MDGA2: variants seen among roughly 807,000 people sequenced by gnomAD.
MDGA2 encodes the protein MAM domain-containing glycosylphosphatidylinositol anchor protein 2.
MDGA2 carries 40 observed loss-of-function variants against 117.8 expected under a neutral mutation model. The observed-to-expected ratio is 0.34, with a 90% CI of 0.26 to 0.44. The LOEUF (loss-of-function observed/expected upper bound fraction) is 0.44. Ranked by LOEUF, MDGA2 falls within the 20% of genes least tolerant of loss-of-function variation. The probability of loss-of-function intolerance (pLI) is 1.00; values close to 1 mark genes in which losing one functional copy is unlikely to be tolerated. For synonymous variants in MDGA2, 452 were observed against 439.0 expected (o/e 1.03, Z -0.37); for missense variants, 1,123 against 1,250.6 (o/e 0.90, Z 1.54).
chr14:47,524,652 T>C (rs1894935191), intron 1 of MDGA2, among the ~76,000 whole-genome samples: 1 of 152,216 alleles, frequency 6.6e-6, no homozygotes, highest in Non-Finnish European at 1.5e-5. Flanking sequence ...TTTAATAATA[T>C]ATGTCCTGTC....
At chr14:47,268,420 T>C (rs569621784) in intron 2 of MDGA2, among the ~76,000 whole-genome samples, 273 of 152,236 alleles carry the variant, frequency 1.8e-3, no homozygotes, top group African/African-American at 6.0e-3. Flanking sequence ...AAAAATAATT[T>C]TGAAAAATTT....
intron 14 of MDGA2, among the ~76,000 whole-genome samples, chr14:46,858,718 T>C (rs953788934): frequency 2.0e-5 from 3 of 152,172 alleles, no homozygotes; most frequent in Non-Finnish European, 2.9e-5. Flanking sequence ...TGAGCCACCG[T>C]GCCCGGCCTA....
intron 3 of MDGA2, among the ~76,000 whole-genome samples, chr14:47,215,535 T>C (rs1024875574): frequency 6.6e-5 from 10 of 152,100 alleles, no homozygotes; most frequent in African/African-American, 9.7e-5. Flanking sequence ...ATAGGTCTAG[T>C]GGTCTCTATT....
chr14:47,136,817 AT>A (rs1882481893), intron 4 of MDGA2, among the ~76,000 whole-genome samples: 1 of 152,188 alleles, frequency 6.6e-6, no homozygotes, highest in Non-Finnish European at 1.5e-5. Context: ...TTCCTGAACC[AT>A]GTTGACTCTA....
At chr14:47,240,915 A>T (rs1377506155) in intron 2 of MDGA2, among the ~76,000 whole-genome samples, 1 of 151,864 alleles carries the variant, frequency 6.6e-6, no homozygotes, top group Non-Finnish European at 1.5e-5. Flanking sequence ...TCTTCATAAC[A>T]TTTGGCTGAA....
At chr14:47,180,576 A>C (rs1255717596) in intron 3 of MDGA2, among the ~76,000 whole-genome samples, 1 of 152,168 alleles carries the variant, frequency 6.6e-6, no homozygotes, top group Non-Finnish European at 1.5e-5. Flanking sequence ...CACGAAAAAA[A>C]GCTCAACATC....
intron 4 of MDGA2, among the ~76,000 whole-genome samples, chr14:47,134,490 G>C (rs1370457357): frequency 6.6e-6 from 1 of 151,848 alleles, no homozygotes; most frequent in African/African-American, 2.4e-5. Flanking sequence ...AAGAAAGTGG[G>C]TCTGTTACTC....
intron 2 of MDGA2, among the ~76,000 whole-genome samples, chr14:47,219,231 T>C (rs977668649): frequency 6.6e-6 from 1 of 152,030 alleles, no homozygotes. Context: ...TATATACCTA[T>C]TTTCATATGA....
At chr14:47,155,809 G>A (rs1883345145) in intron 3 of MDGA2, among the ~76,000 whole-genome samples, 1 of 151,444 alleles carries the variant, frequency 6.6e-6, no homozygotes, top group Non-Finnish European at 1.5e-5. Flanking sequence ...GTTTCTGGCT[G>A]GCAAAGCGAC....
chr14:47,120,561 T>G (rs944819961), intron 5 of MDGA2, among the ~76,000 whole-genome samples: 5 of 152,080 alleles, frequency 3.3e-5, no homozygotes, highest in African/African-American at 4.8e-5. Flanking sequence ...TATGTTGTTA[T>G]CAAGAAAAAA....
In MDGA2 at chr14:47,144,190, C is replaced by T. The variant is rs981558503; in HGVS notation, c.680G>A (p.Arg227Gln). The T allele has an allele frequency of 2.6e-5, 40 of 1,551,152 alleles. No individual in the cohort carries two copies. In the Admixed American group the frequency reaches 4.9e-4, roughly 19 times the overall value. ...AGGAGGATTGGAATTGGCAACACAC[C>T]GGAGGAACACTGTTCTCTCATAGTA... Reference protein sequence around the residue: ...QFYYERTVFLRCVANSNPPVR... With the variant: ...QFYYERTVFLQCVANSNPPVR... The change falls in exon 4 of 17, where the codon CGG (arginine) becomes CAG (glutamine). Residue 227 changes from arginine to glutamine, a missense_variant. Arg to Gln is a conservative substitution (Grantham distance 43, BLOSUM62 1). Around this residue, in one of 2 missense-constraint regions of MDGA2, gnomAD observed 890 missense variants for 1,050.3 expected, o/e 0.85. Coordinates refer to ENST00000399232, the MANE Select transcript of MDGA2 (RefSeq NM_001113498.3).
At chr14:47,004,947 T>A (rs1284924816) in intron 8 of MDGA2, among the ~76,000 whole-genome samples, 3 of 151,698 alleles carry the variant, frequency 2.0e-5, no homozygotes. Flanking sequence ...AATTTTTGTA[T>A]ATTGATATCT....
At chr14:47,227,791 T>G (rs1886559618) in intron 2 of MDGA2, among the ~76,000 whole-genome samples, 2 of 152,238 alleles carry the variant, frequency 1.3e-5, no homozygotes, top group Non-Finnish European at 2.9e-5. Flanking sequence ...TTGGTGGTTT[T>G]TACTTATCTC....
intron 2 of MDGA2, among the ~76,000 whole-genome samples, chr14:47,300,695 C>G (rs552820292): frequency 6.6e-6 from 1 of 150,642 alleles, no homozygotes; most frequent in Non-Finnish European, 1.5e-5. Flanking sequence ...GACACAGTCT[C>G]CTTTTGTTGC....
chr14:47,331,257 T>A (rs1890285755), intron 1 of MDGA2, among the ~76,000 whole-genome samples: 1 of 151,880 alleles, frequency 6.6e-6, no homozygotes, highest in Admixed American at 6.6e-5. Context: ...GACAAAATAC[T>A]TTTTTATAAA....
At chr14:47,603,764 G>A (rs1292777005) in intron 1 of MDGA2, among the ~76,000 whole-genome samples, 1 of 152,118 alleles carries the variant, frequency 6.6e-6, no homozygotes. Context: ...CTCCAATTCT[G>A]GAGGCAGGGC....
chr14:47,641,220 G>C (rs1025781804), intron 1 of MDGA2, among the ~76,000 whole-genome samples: 1 of 152,022 alleles, frequency 6.6e-6, no homozygotes, highest in Non-Finnish European at 1.5e-5. Context: ...GCTTGCCAGG[G>C]ATACAGATCA....
intron 2 of MDGA2, among the ~76,000 whole-genome samples, chr14:47,283,239 G>C (rs1189456231): frequency 6.6e-6 from 1 of 152,052 alleles, no homozygotes; most frequent in Non-Finnish European, 1.5e-5. Flanking sequence ...TGGTAGATGA[G>C]GGCAAAAGTT....
At chr14:47,279,072 T>A (rs568703409) in intron 2 of MDGA2, among the ~76,000 whole-genome samples, 1 of 152,256 alleles carries the variant, frequency 6.6e-6, no homozygotes, top group Non-Finnish European at 1.5e-5. Context: ...TTGTTATACA[T>A]GTACATAGTA....
Sources: gnomAD v4.1 joint callset for allele counts (sites outside exome capture counted in the v4.1 genomes callset) on GRCh38, gnomAD v4.1.1 for gene constraint, gnomAD v4.1.1 regional missense constraint, MANE v1.5 for transcripts, NCBI Gene and HGNC (gene_info 2026-07-23, HGNC 2026-07-21) for gene names.